The following PM20D2 variants were observed in gnomAD, a reference collection of about 807,000 sequenced individuals.
PM20D2 encodes the protein xaa-Arg dipeptidase.
A neutral mutation model predicts 42.9 loss-of-function variants in PM20D2; 33 were observed. The observed-to-expected ratio is 0.77, with a 90% confidence interval of 0.58 to 1.03. PM20D2 has a LOEUF of 1.03. Among genes scored for constraint, PM20D2 ranks in the 50% least tolerant of loss-of-function variants. The probability of loss-of-function intolerance (pLI) is 0.00; values close to 1 mark genes in which losing one functional copy is unlikely to be tolerated. For synonymous variants in PM20D2, 250 were observed against 228.2 expected (o/e 1.10, Z -0.86); for missense variants, 548 against 557.0 (o/e 0.98, Z 0.16).
rs1021871752 is a variant in PM20D2 at position 89,146,311 on chromosome 6, A to C, written c.167A>C (p.His56Pro). 14 of 1,579,944 alleles carry C rather than the reference A, an allele frequency of 8.9e-6. No individual in the cohort carries two copies. The highest frequency in any genetic ancestry group is 1.1e-5 in the Non-Finnish European group (13 of 1,171,354). ...CAGCCCGAGCTGGCCTACGAGGAGC[A>C]CCATGCCCACCGCGTGCTGACGCAC... is the stretch of plus-strand genomic sequence containing the variant. Reference protein sequence around the residue: ...WSQPELAYEEHHAHRVLTHFF... With the variant: ...WSQPELAYEEPHAHRVLTHFF... The change falls in exon 1 of 7, where the codon CAC becomes CCC. Residue 56 changes from histidine to proline, a missense_variant. By Grantham distance (77) the His-to-Pro change is moderately conservative. Transcript: ENST00000275072.
chr6:89,165,137 A>G lies in PM20D2; in HGVS notation c.*2874A>G, dbSNP rs1000194564. On this transcript the variant is annotated 3_prime_UTR_variant, in exon 7 of 7. Transcript: ENST00000275072. ...ATTTTGAACAAAAGAAATTGATACA[A>G]TAAGTTTTTTTTTTTAAGGATGATT... 6.6e-6 allele frequency: 1 copy of G among 151,840 alleles called. No individual in the cohort carries two copies. Among genetic ancestry groups the G allele is most frequent in the Non-Finnish European group, 1.5e-5 (1 of 67,946 alleles). 9.4% of individuals were successfully genotyped at this position (151,840 alleles called of 1,614,324 possible).
the PM20D2 span, among the ~76,000 whole-genome samples, chr6:89,124,999 G>T: frequency 6.6e-6 from 1 of 151,890 alleles, no homozygotes; most frequent in Non-Finnish European, 1.5e-5. Flanking sequence ...CTTCCAAAAT[G>T]CTGGGGTTAC....
Position 89,162,146 on chromosome 6 carries a change from C to A in PM20D2, c.1194C>A (p.Ala398=). ...QEAQFYTLRT[A]KALAMTALDV... ...CTCAGTTCTACACTCTGCGGACGGCCAAAGCTCTGGCAATGACGGCACTGG... is the reference window on the plus strand; with the variant it reads ...CTCAGTTCTACACTCTGCGGACGGCAAAAGCTCTGGCAATGACGGCACTGG... Residue 398 remains alanine, a synonymous_variant, in exon 7 of 7, where the codon GCC becomes GCA. Coordinates refer to ENST00000275072, the MANE Select transcript of PM20D2 (RefSeq NM_001010853.3). 5 of 1,614,074 alleles carry A rather than the reference C, an allele frequency of 3.1e-6. No individual in the cohort carries two copies. Among genetic ancestry groups the A allele is most frequent in the Non-Finnish European group, 4.2e-6 (5 of 1,180,002 alleles).
chr6:89,103,712 G>A, the PM20D2 span, among the ~76,000 whole-genome samples: 4 of 151,846 alleles, frequency 2.6e-5, no homozygotes, highest in East Asian at 1.9e-4. Flanking sequence ...CACCCGCCTT[G>A]GCCTCCCAAA....
chr6:89,111,746 G>C, the PM20D2 span, among the ~76,000 whole-genome samples: 28 of 152,220 alleles, frequency 1.8e-4, no homozygotes, highest in African/African-American at 6.5e-4. Flanking sequence ...TCATCATTAA[G>C]TATGATGTTA....
chr6:89,117,690 T>C, the PM20D2 span: 48 of 857,380 alleles, frequency 5.6e-5, no homozygotes, highest in Non-Finnish European at 7.7e-5. Context: ...CCTCCCCAAG[T>C]GGCGCAGCCT....
chr6:89,160,234 C>T lies in PM20D2; in HGVS notation c.1049-1549C>T, dbSNP rs527741819. Among the ~76,000 whole-genome samples, 17 of 152,276 alleles carry T rather than the reference C, an allele frequency of 1.1e-4. 1 individual carries two copies. The East Asian group carries it at 3.3e-3, about 29-fold the overall frequency. ...GTGAATATTTTCTGAAGCAGTACTT[C>T]TATAGAGGCTACTATGCCTCAAAGT... On this transcript the variant is annotated intron_variant, in intron 5 of 6. Transcript: ENST00000275072.
chr6:89,123,294 A>T, the PM20D2 span, among the ~76,000 whole-genome samples: 6 of 152,220 alleles, frequency 3.9e-5, no homozygotes, highest in Non-Finnish European at 2.9e-5. Context: ...CCCAAACTTA[A>T]GTCGTTTTCA....
the PM20D2 span, chr6:89,117,748 C>T: frequency 7.0e-6 from 10 of 1,428,970 alleles, no homozygotes; most frequent in Non-Finnish European, 9.2e-6. Context: ...TCCGCCGGGC[C>T]TCGGCCGTGC....
In PM20D2 at chr6:89,146,193, C is replaced by A. The variant is rs1260838891; in HGVS notation, c.49C>A (p.Arg17Ser). 6.5e-7 allele frequency: 1 copy of A among 1,546,402 alleles called. No individual in the cohort carries two copies. Among genetic ancestry groups the A allele is most frequent in the South Asian group, 1.2e-5 (1 of 84,342 alleles). ...CGTGGAAGGGGGCGCGTGCAATGGC[C>A]GCTCCGAGCTGGAGCTACTGAAGCT... ...RPVEGGACNG[R>S]SELELLKLRS... Residue 17 changes from arginine (R) to serine (S), a missense_variant, in exon 1 of 7, where the codon CGC becomes AGC. By Grantham distance (110) the Arg-to-Ser change is moderately radical (BLOSUM62 -1). This residue lies in a region of PM20D2 where 470 missense variants were observed against 464.4 expected (regional missense o/e 1.01). Transcript: ENST00000275072.
At chr6:89,095,997 C>T in the PM20D2 span, 11 of 152,152 alleles carry the variant, frequency 7.2e-5, no homozygotes, top group African/African-American at 2.7e-4. Context: ...AACAAAGTAT[C>T]TCTCTTAAAT....
the PM20D2 span, chr6:89,097,839 T>C: frequency 1.3e-5 from 2 of 152,218 alleles, no homozygotes; most frequent in Non-Finnish European, 2.9e-5. Flanking sequence ...AGTCTTAATA[T>C]GAATATTTTT....
At position 89,146,426 on chromosome 6, in the gene PM20D2, G is replaced by A; in HGVS notation, c.282G>A (p.Pro94=). 6.6e-7 allele frequency: 1 copy of A among 1,523,468 alleles called. No homozygotes were observed. The highest frequency in any genetic ancestry group is 8.8e-7 in the Non-Finnish European group (1 of 1,142,638). The allele number at this position is 1,523,468 out of a possible 1,614,324, so 94.4% of individuals were successfully genotyped here. Residue 94 remains proline, a synonymous_variant, in exon 1 of 7, where the codon CCG becomes CCA. Transcript: ENST00000275072. ...CCTTCCGCGCCGAGTGGGAGCCGCC[G>A]GAGGCCCGGGCACCGAGCGCCACGC... is the stretch of plus-strand genomic sequence containing the variant. ...PTAFRAEWEP[P]EARAPSATPR...
At chr6:89,141,388 C>CA (rs1473220038), upstream of PM20D2, among the ~76,000 whole-genome samples, 1 of 152,126 alleles carries the variant, frequency 6.6e-6, no homozygotes, top group Non-Finnish European at 1.5e-5. Context: ...TTTTTAAAGA[C>CA]AGAGTCTCAC....
Position 89,161,864 on chromosome 6 carries a change from A to G in PM20D2, c.1130A>G (p.His377Arg), listed in dbSNP as rs1054173752. ...CACATTGGATCTAATGCCTTGAATCATACTGAACAGTACACTGAAGCTGCT... is the reference window on the plus strand; with the variant it reads ...CACATTGGATCTAATGCCTTGAATCGTACTGAACAGTACACTGAAGCTGCT... ...YFHIGSNALN[H>R]TEQYTEAAGS... Residue 377 changes from histidine (H) to arginine (R), a missense_variant, in exon 6 of 7, where the codon CAT becomes CGT. Physicochemically the swap from His to Arg is conservative, Grantham distance 29. Transcript: ENST00000275072. 3 of 1,612,706 alleles carry G rather than the reference A, an allele frequency of 1.9e-6. No individual in the cohort carries two copies. The highest frequency in any genetic ancestry group is 2.5e-6 in the Non-Finnish European group (3 of 1,178,786).
the PM20D2 span, among the ~76,000 whole-genome samples, chr6:89,126,218 G>A: frequency 1.3e-5 from 2 of 152,050 alleles, no homozygotes; most frequent in Non-Finnish European, 2.9e-5. Context: ...AACAAAGTGA[G>A]ACCCCGTCTC....
the PM20D2 span, among the ~76,000 whole-genome samples, chr6:89,104,458 G>A: frequency 6.6e-6 from 1 of 151,382 alleles, no homozygotes; most frequent in African/African-American, 2.4e-5. Flanking sequence ...GTTTGGTCTT[G>A]AACTCCTGAC....
At chr6:89,110,277 C>T in the PM20D2 span, among the ~76,000 whole-genome samples, 1 of 152,134 alleles carries the variant, frequency 6.6e-6, no homozygotes, top group African/African-American at 2.4e-5. Context: ...AATGAAAGCA[C>T]AGATTTATTG....
At chr6:89,147,869 G>A (rs1015056588) in intron 1 of PM20D2, among the ~76,000 whole-genome samples, 18 of 151,206 alleles carry the variant, frequency 1.2e-4, no homozygotes, top group African/African-American at 4.4e-4. Context: ...CTCCATCCTG[G>A]GCAACAGAGC....
Sources: allele counts gnomAD v4.1 joint callset (sites outside exome capture counted in the v4.1 genomes callset), GRCh38; gene constraint gnomAD v4.1.1; regional missense constraint gnomAD v4.1.1; transcripts MANE v1.5; gene names NCBI Gene and HGNC (gene_info 2026-07-23, HGNC 2026-07-21).